The following NALCN variants were observed in gnomAD, a reference collection of about 807,000 sequenced individuals.
NALCN encodes sodium leak channel, non-selective, also known as sodium leak channel NALCN.
Under a neutral mutation model 225.3 loss-of-function variants are expected in NALCN, and 111 were observed. The observed-to-expected ratio is 0.49, with a 90% CI of 0.42 to 0.58. The LOEUF is 0.58. Among genes scored for constraint, NALCN ranks in the 20% least tolerant of loss-of-function variants. The pLI is 0.00. For missense variants in NALCN, 1,378 were observed against 2,202.4 expected, an observed-to-expected ratio of 0.63 and a Z score of 7.49; for synonymous variants, 764 against 769.0, an observed-to-expected ratio of 0.99 and a Z score of 0.11.
chr13:101,088,444 G>A (rs2034039637), intron 30 of NALCN, among the ~76,000 whole-genome samples: 1 of 152,172 alleles, frequency 6.6e-6, no homozygotes, highest in South Asian at 2.1e-4. Flanking sequence ...CAGAGTGAAG[G>A]TTGACTTTAT....
intron 6 of NALCN, among the ~76,000 whole-genome samples, chr13:101,372,628 G>C (rs1344885259): frequency 6.6e-6 from 1 of 152,060 alleles, no homozygotes; most frequent in Non-Finnish European, 1.5e-5. Flanking sequence ...GAAGATATTT[G>C]AATTGAATAA....
In NALCN at chr13:101,265,171, C is replaced by T. The variant is rs140960870; in HGVS notation, c.1135-6597G>A. Among the ~76,000 whole-genome samples the T allele has an allele frequency of 7.4e-3, 1,131 of 152,288 alleles. 10 individuals carry two copies. Among genetic ancestry groups the T allele is most frequent in the South Asian group, 0.028 (133 of 4,824 alleles). On this transcript the variant is annotated intron_variant, in intron 10 of 43. Transcript: ENST00000251127. Reference sequence around the variant, plus strand: ...CAGGAAACTAACACAGCATTGTCAACGATTTTGACAGACACCAGCTCAAAC... The same window carrying T: ...CAGGAAACTAACACAGCATTGTCAATGATTTTGACAGACACCAGCTCAAAC...
intron 41 of NALCN, among the ~76,000 whole-genome samples, chr13:101,061,589 A>G (rs1055105435): frequency 3.3e-5 from 5 of 152,136 alleles, no homozygotes; most frequent in Admixed American, 1.3e-4. Context: ...CCATGTTGGC[A>G]GGCTGGTCTC....
At position 101,340,900 on chromosome 13, in the gene NALCN, T is replaced by C. The variant is rs529114970; in HGVS notation, c.799+4366A>G. The stretch of plus-strand genomic sequence containing the variant: ...ATTGAAATGATTTTTTGGGACGTGG[T>C]CATAGATAATATTATTTGGATTTTT... On this transcript the variant is annotated intron_variant, in intron 7 of 43. Coordinates refer to ENST00000251127, the MANE Select transcript of NALCN (RefSeq NM_052867.4). Among the ~76,000 whole-genome samples, 81 of 152,324 alleles carry C rather than the reference T, an allele frequency of 5.3e-4. 2 individuals are homozygous for C. The South Asian group carries it at 0.016, about 30-fold the overall frequency.
chr13:101,397,113 T>C (rs4772376), intron 2 of NALCN, among the ~76,000 whole-genome samples: 62,182 of 112,440 alleles, frequency 0.55, 17,630 homozygotes, highest in African/African-American at 0.76. Flanking sequence ...TATATATACA[T>C]ACACATACAT....
rs2047317405 is a variant in NALCN at position 101,397,069 on chromosome 13, TATATATA to T, written c.109-1711_109-1705del. Among the ~76,000 whole-genome samples the T allele has an allele frequency of 1.4e-3, 86 of 61,738 alleles. 1 individual carries two copies. The highest frequency in any genetic ancestry group is 4.1e-3 in the African/African-American group (81 of 19,806). 40.5% of individuals were successfully genotyped at this position (61,738 alleles called of 152,430 possible). On this transcript the variant is annotated intron_variant, in intron 2 of 43. Transcript: ENST00000251127. ...AAGTAAAACACCTATGAATGTATTA[TATATATA>T]TATATATATATATATATATATATAT...
rs556323711 is a variant in NALCN, at chr13:101,370,470, C to T, written c.644+6230G>A. On this transcript the variant is annotated intron_variant, in intron 6 of 43. Coordinates refer to ENST00000251127, the MANE Select transcript of NALCN (RefSeq NM_052867.4). ...GCCCATGTGAGGCGGAAGACCAGGT[C>T]TTGAGCCCATGTAAAGCTGAAAGCT... Among the ~76,000 whole-genome samples, 6 of 152,336 alleles carry T rather than the reference C, an allele frequency of 3.9e-5. No homozygotes were observed. The South Asian group carries it at 1.2e-3, about 32-fold the overall frequency.
chr13:101,352,770 A>G (rs886540420), intron 6 of NALCN, among the ~76,000 whole-genome samples: 35 of 152,212 alleles, frequency 2.3e-4, no homozygotes, highest in African/African-American at 8.2e-4. Flanking sequence ...TTTTCAAAAC[A>G]TATACCTATG....
rs57799563 is a variant in NALCN, at chr13:101,064,559, TAC to T, written c.4604+843_4604+844del. On this transcript the variant is annotated intron_variant, in intron 40 of 43. Coordinates refer to ENST00000251127, the MANE Select transcript of NALCN (RefSeq NM_052867.4). ...ATAAAAGGAGGAATTTGAACATAGA[TAC>T]ACACACACACACACACACACACACA... Among the ~76,000 whole-genome samples the T allele has an allele frequency of 1.2e-3, 184 of 148,004 alleles. 1 individual carries two copies. Among genetic ancestry groups the T allele is most frequent in the African/African-American group, 2.5e-3 (102 of 40,288 alleles).
In NALCN at chr13:101,278,395, T is replaced by C. The variant is rs577583466; in HGVS notation, c.1134+5538A>G. Among the ~76,000 whole-genome samples the C allele has an allele frequency of 4.9e-3, 744 of 151,844 alleles. 7 individuals are homozygous for C. The highest frequency in any genetic ancestry group is 0.017 in the African/African-American group (699 of 41,410). On this transcript the variant is annotated intron_variant, in intron 10 of 43. Transcript: ENST00000251127. ...AAAATCAGCCAGGCGTGGTGGCGCATGCCTGTAGTCCCAGCTACTCTGGAG... is the reference window on the plus strand; with the variant it reads ...AAAATCAGCCAGGCGTGGTGGCGCACGCCTGTAGTCCCAGCTACTCTGGAG...
chr13:101,214,256 G>C (rs1316109738), intron 13 of NALCN, among the ~76,000 whole-genome samples: 1 of 150,962 alleles, frequency 6.6e-6, no homozygotes, highest in Non-Finnish European at 1.5e-5. Context: ...GAGAACATTT[G>C]GACACAGGGT....
chr13:101,248,616 A>G (rs1397461816), intron 11 of NALCN, among the ~76,000 whole-genome samples: 2 of 152,184 alleles, frequency 1.3e-5, no homozygotes, highest in Non-Finnish European at 2.9e-5. Flanking sequence ...CACAAAGCTC[A>G]GGTGAGCTTC....
chr13:101,069,262 T>C (rs1231961294), intron 37 of NALCN, among the ~76,000 whole-genome samples: 1 of 152,264 alleles, frequency 6.6e-6, no homozygotes, highest in Non-Finnish European at 1.5e-5. Flanking sequence ...GCAGTTTCAG[T>C]TCCAGACTGC....
At chr13:101,098,639 T>C (rs1352774168) in intron 27 of NALCN, among the ~76,000 whole-genome samples, 1 of 152,206 alleles carries the variant, frequency 6.6e-6, no homozygotes, top group African/African-American at 2.4e-5. Flanking sequence ...TCGTTGTCTT[T>C]AACAGGAACT....
At chr13:101,172,878 T>C (rs2038797546) in intron 15 of NALCN, among the ~76,000 whole-genome samples, 1 of 152,092 alleles carries the variant, frequency 6.6e-6, no homozygotes, top group African/African-American at 2.4e-5. Context: ...ACACCCCCAT[T>C]TTAGAGCGAA....
chr13:101,142,944 CTTTTACAAATGAAATCA>C, intron 17 of NALCN, 119 bp downstream of exon 17: 1 of 1,254,054 alleles, frequency 8.0e-7, no homozygotes. Flanking sequence ...TTCATGATAT[CTTTTACAAATGAAATCA>C]TTTTATTTTC....
chr13:101,394,891 A>G (rs1034581723), intron 3 of NALCN, among the ~76,000 whole-genome samples: 1 of 152,204 alleles, frequency 6.6e-6, no homozygotes, highest in African/African-American at 2.4e-5. Flanking sequence ...GCTCAGCCCT[A>G]AGTGGCATGA....
At chr13:101,323,629 C>T (rs2044835514) in intron 7 of NALCN, among the ~76,000 whole-genome samples, 1 of 152,126 alleles carries the variant, frequency 6.6e-6, no homozygotes, top group African/African-American at 2.4e-5. Flanking sequence ...AAATCTTATC[C>T]TCTGCCTACA....
intron 18 of NALCN, 59 bp from the exon 19 acceptor site, chr13:101,111,285 C>T (rs2035422407): frequency 1.5e-6 from 2 of 1,357,980 alleles, no homozygotes; most frequent in African/African-American, 1.4e-5. Context: ...AGATGAATAA[C>T]ACATAAGTGC....
Sources: allele counts gnomAD v4.1 joint callset (sites outside exome capture counted in the v4.1 genomes callset), GRCh38; gene constraint gnomAD v4.1.1; transcripts MANE v1.5; gene names NCBI Gene and HGNC (gene_info 2026-07-23, HGNC 2026-07-21).